The following ACSBG1 variants were observed in gnomAD, a reference collection of about 807,000 sequenced individuals.
ACSBG1 encodes long-chain-fatty-acid--CoA ligase ACSBG1.
In ACSBG1, 39 loss-of-function variants were observed where a neutral mutation model predicts 80.2. The observed-to-expected ratio is 0.49, with a 90% confidence interval of 0.38 to 0.64. The LOEUF is 0.64. ACSBG1 is among the 30% of genes least tolerant of loss of function. The probability of loss-of-function intolerance (pLI) is 0.00; values close to 1 mark genes in which losing one functional copy is unlikely to be tolerated. For missense variants in ACSBG1, 828 were observed against 966.4 expected (o/e 0.86, Z 1.90); for synonymous variants, 392 against 379.5 (o/e 1.03, Z -0.38).
At chr15:78,200,633 C>T (rs963536578) in intron 2 of ACSBG1, among the ~76,000 whole-genome samples, 6 of 152,168 alleles carry the variant, frequency 3.9e-5, no homozygotes, top group African/African-American at 1.2e-4. Context: ...AGGGGTGCTG[C>T]CTCTCACGGT....
intron 7 of ACSBG1, 33 bp downstream of exon 7, chr15:78,182,433 C>T (rs1188360869): frequency 3.1e-6 from 5 of 1,595,102 alleles, no homozygotes; most frequent in Non-Finnish European, 4.3e-6. Flanking sequence ...AACCCCCTTG[C>T]ACCCCCCCCA....
chr15:78,171,603 A>C, intron 13 of ACSBG1, 74 bp from the exon 14 acceptor site: 3 of 1,254,226 alleles, frequency 2.4e-6, no homozygotes, highest in Non-Finnish European at 3.5e-6. Context: ...GTAAAGACTC[A>C]CACTCAGTCC....
intron 5 of ACSBG1, among the ~76,000 whole-genome samples, chr15:78,184,578 T>A (rs2074980521): frequency 6.6e-6 from 1 of 152,114 alleles, no homozygotes; most frequent in South Asian, 2.1e-4. Context: ...GATTTTAAGG[T>A]AAAATAAAAG....
Position 78,173,741 on chromosome 15 carries a change from G to A in ACSBG1, c.1941C>T (p.Ser647=), listed in dbSNP as rs761188177. ...CCTCATCCTTCTTCTCTATGATCTC[G>A]GACACTGTGGTGGCTCTGCTGCCCA... is the stretch of plus-strand genomic sequence containing the variant. ...QRVGSRATTV[S]EIIEKKDEAV... Residue 647 remains serine, a synonymous_variant, in exon 13 of 14, where the codon TCC becomes TCT. Coordinates refer to ENST00000258873, the MANE Select transcript of ACSBG1 (RefSeq NM_015162.5). The A allele has an allele frequency of 7.4e-6, 12 of 1,614,138 alleles. No individual in the cohort carries two copies. The highest frequency in any genetic ancestry group is 1.3e-5 in the African/African-American group (1 of 75,022).
chr15:78,176,861 G>A (rs1031630845), intron 11 of ACSBG1, among the ~76,000 whole-genome samples: 2 of 152,094 alleles, frequency 1.3e-5, no homozygotes, highest in African/African-American at 4.8e-5. Context: ...CCAGGAGGTA[G>A]AAGTTGCAGT....
intron 8 of ACSBG1, 191 bp from the exon 9 acceptor site, chr15:78,181,127 G>A (rs9972590): frequency 0.029 from 19,323 of 656,510 alleles, 657 homozygotes; most frequent in African/African-American, 0.12. Context: ...GAACCCTGGT[G>A]GCAGGCAGCA....
Position 78,172,948 on chromosome 15 carries a change from A to G in ACSBG1, c.2089+645T>C, listed in dbSNP as rs2074840703. Among the ~76,000 whole-genome samples the G allele has an allele frequency of 6.6e-6, 1 of 152,222 alleles. No homozygotes were observed. ...AGAACCACGTGACTCCAGGCTGAAC[A>G]CTAGCAGGGCCTTGGTGTTGGCCTG... On this transcript the variant is annotated intron_variant, in intron 13 of 13. Transcript: ENST00000258873. The surrounding 1 kb of genome is among the most constrained non-coding windows in gnomAD (Gnocchi z 4.1).
At position 78,178,412 on chromosome 15, in the gene ACSBG1, C is replaced by T. The variant is rs2074904633; in HGVS notation, c.1702+202G>A. 6.6e-6 allele frequency among the ~76,000 whole-genome samples: 1 copy of T among 152,174 alleles called. No individual in the cohort carries two copies. The highest frequency in any genetic ancestry group is 2.4e-5 in the African/African-American group (1 of 41,430). On this transcript the variant is annotated intron_variant, in intron 11 of 13. Transcript: ENST00000258873. The surrounding 1 kb of genome is among the most constrained non-coding windows in gnomAD (Gnocchi z 4.3). ...CTCCCGGGTTCAAGTAATTCTCGTG[C>T]CTCAGCCTCCCGAATAGCTGGGATT...
At chr15:78,197,194 A>G (rs141236510) in intron 2 of ACSBG1, among the ~76,000 whole-genome samples, 1 of 152,300 alleles carries the variant, frequency 6.6e-6, no homozygotes, top group East Asian at 1.9e-4. Flanking sequence ...CGAAAAAGGA[A>G]AGGCAGAAAA....
intron 1 of ACSBG1, among the ~76,000 whole-genome samples, chr15:78,215,330 G>A (rs1053631592): frequency 2.7e-5 from 3 of 112,716 alleles, no homozygotes; most frequent in African/African-American, 9.3e-5. Flanking sequence ...GGCTAGCTCT[G>A]GATGCACAGT....
intron 5 of ACSBG1, among the ~76,000 whole-genome samples, chr15:78,186,144 T>C (rs1428332136): frequency 6.6e-6 from 1 of 152,230 alleles, no homozygotes; most frequent in Non-Finnish European, 1.5e-5. Flanking sequence ...CATTATGTAA[T>C]GGCCTTCTTT....
At chr15:78,203,084 A>G (rs759272096) in intron 2 of ACSBG1, among the ~76,000 whole-genome samples, 1 of 152,262 alleles carries the variant, frequency 6.6e-6, no homozygotes, top group Non-Finnish European at 1.5e-5. Context: ...TGCATAGACC[A>G]CACTGAAAAG....
chr15:78,227,922 G>A (rs1231031494), intron 1 of ACSBG1, among the ~76,000 whole-genome samples: 1 of 152,190 alleles, frequency 6.6e-6, no homozygotes, highest in Admixed American at 6.5e-5. Flanking sequence ...CCATCCTCAA[G>A]AACACCTGGA....
At chr15:78,174,833 G>A (rs116496629) in intron 11 of ACSBG1, 9 of 421,988 alleles carry the variant, frequency 2.1e-5, no homozygotes, top group East Asian at 4.9e-5. Flanking sequence ...CAAATAGCCC[G>A]TGTCATTTCC....
intron 5 of ACSBG1, among the ~76,000 whole-genome samples, chr15:78,189,838 T>C (rs558805997): frequency 1.3e-5 from 2 of 151,796 alleles, no homozygotes; most frequent in East Asian, 3.9e-4. Context: ...TAAAATAAAA[T>C]AAATAAAAAT....
chr15:78,215,013 T>C (rs939000445), intron 1 of ACSBG1, among the ~76,000 whole-genome samples: 5 of 152,178 alleles, frequency 3.3e-5, no homozygotes, highest in African/African-American at 1.2e-4. Flanking sequence ...AGGACCCCTT[T>C]TGAGAAGCTG....
At chr15:78,202,733 G>T (rs2075180210) in intron 2 of ACSBG1, among the ~76,000 whole-genome samples, 1 of 152,160 alleles carries the variant, frequency 6.6e-6, no homozygotes, top group Non-Finnish European at 1.5e-5. Context: ...GCTTTGTTGG[G>T]GGCAACTGGC....
chr15:78,170,130 TG>T lies in ACSBG1; in HGVS notation c.*1313del, dbSNP rs1277473305. ...CCATGCTGGGGCTTGAGCTTGAGCT[TG>T]GGCTTAGGCTTGGGCTCAGCTTTTG... is the stretch of plus-strand genomic sequence containing the variant. On this transcript the variant is annotated 3_prime_UTR_variant, in exon 14 of 14. Transcript: ENST00000258873. 1 of 152,242 alleles carries T rather than the reference TG, an allele frequency of 6.6e-6. No homozygotes were observed. The highest frequency in any genetic ancestry group is 1.5e-5 in the Non-Finnish European group (1 of 68,050). The allele number at this position is 152,242 out of a possible 1,614,324, so 9.4% of individuals were successfully genotyped here. A position where few individuals can be genotyped will look rare whatever the true frequency, so the allele number is the denominator to read the frequency against.
chr15:78,186,918 G>A (rs1207873692), intron 5 of ACSBG1, among the ~76,000 whole-genome samples: 1 of 152,078 alleles, frequency 6.6e-6, no homozygotes, highest in East Asian at 1.9e-4. Flanking sequence ...AAAATTGATA[G>A]ACCGCTAGCA....
Sources: allele counts gnomAD v4.1 joint callset (sites outside exome capture counted in the v4.1 genomes callset), GRCh38; gene constraint gnomAD v4.1.1; non-coding constraint Gnocchi (gnomAD v3.1); transcripts MANE v1.5; gene names NCBI Gene and HGNC (gene_info 2026-07-23, HGNC 2026-07-21).